Variants in KCNN3 observed in about 807,000 individuals in gnomAD.
The protein encoded by KCNN3 is potassium calcium-activated channel subfamily N member 3, also known as small conductance calcium-activated potassium channel protein 3.
Under a neutral mutation model 62.9 loss-of-function variants are expected in KCNN3, and 16 were observed. The observed-to-expected ratio is 0.25, with a 90% CI of 0.17 to 0.39. The LOEUF (loss-of-function observed/expected upper bound fraction) is 0.39, where lower values mean the gene tolerates loss of function less well. KCNN3 is among the 10% of genes least tolerant of loss of function. The pLI, the probability that KCNN3 is intolerant of heterozygous loss-of-function variation, is 1.00. For synonymous variants in KCNN3, 370 were observed against 389.2 expected, an observed-to-expected ratio of 0.95 and a Z score of 0.58; for missense variants, 599 against 949.4, an observed-to-expected ratio of 0.63 and a Z score of 4.85.
At chr1:154,773,361 T>C (rs1358674604) in intron 2 of KCNN3, among the ~76,000 whole-genome samples, 1 of 152,198 alleles carries the variant, frequency 6.6e-6, no homozygotes, top group Non-Finnish European at 1.5e-5. Flanking sequence ...TAAGGTCCTT[T>C]ATAATAAACC....
Position 154,869,168 on chromosome 1 carries a change from A to G in KCNN3, c.797T>C (p.Ile266Thr). Residue 266 changes from isoleucine (I) to threonine (T), a missense_variant, in exon 1 of 8, where the codon ATT (isoleucine) becomes ACT (threonine). Physicochemically the swap from Ile to Thr is moderately conservative, Grantham distance 89. Transcript: ENST00000271915. The surrounding 1 kb of genome is among the most constrained non-coding windows in gnomAD (Gnocchi z 6.1). ...PKANKRKNQN[I>T]GYKLGHRRAL... is the part of the protein sequence containing the mutation. ...CCTCCTGTGTCCCAGCTTATAGCCAATGTTTTGGTTTTTCCGCTTGTTGGC... is the reference window on the plus strand; with the variant it reads ...CCTCCTGTGTCCCAGCTTATAGCCAGTGTTTTGGTTTTTCCGCTTGTTGGC... The G allele has an allele frequency of 1.2e-6, 2 of 1,613,928 alleles. No individual in the cohort carries two copies. The highest frequency in any genetic ancestry group is 2.2e-5 in the East Asian group (1 of 44,866).
At chr1:154,791,892 G>C (rs1040466596) in intron 2 of KCNN3, among the ~76,000 whole-genome samples, 2 of 152,330 alleles carry the variant, frequency 1.3e-5, no homozygotes, top group African/African-American at 2.4e-5. Context: ...CATTGTGCCA[G>C]GCCCTCAGAA....
At chr1:154,721,586 C>G (rs982029696) in intron 5 of KCNN3, among the ~76,000 whole-genome samples, 2 of 152,102 alleles carry the variant, frequency 1.3e-5, no homozygotes, top group Non-Finnish European at 2.9e-5. Flanking sequence ...CAGGCGTGAG[C>G]CACCGCACCC....
At chr1:154,747,212 C>A (rs1030888994) in intron 3 of KCNN3, among the ~76,000 whole-genome samples, 3 of 152,196 alleles carry the variant, frequency 2.0e-5, no homozygotes, top group Admixed American at 2.0e-4. Context: ...CTCTTCATCC[C>A]AGCCACCACT....
At chr1:154,789,092 C>G (rs1402961498) in intron 2 of KCNN3, among the ~76,000 whole-genome samples, 1 of 152,152 alleles carries the variant, frequency 6.6e-6, no homozygotes, top group Non-Finnish European at 1.5e-5. Context: ...GGAGGTTGTC[C>G]GCAGGGCTGG....
At chr1:154,775,415 T>A (rs1648746171) in intron 2 of KCNN3, among the ~76,000 whole-genome samples, 1 of 152,196 alleles carries the variant, frequency 6.6e-6, no homozygotes, top group South Asian at 2.1e-4. Context: ...GAGCCTCAGT[T>A]TCTCTTTCTC....
intron 2 of KCNN3, among the ~76,000 whole-genome samples, chr1:154,806,420 T>C (rs1650174924): frequency 2.6e-5 from 4 of 152,248 alleles, no homozygotes; most frequent in Admixed American, 2.6e-4. Flanking sequence ...TCTCAGCTGA[T>C]GCTCACAACA....
chr1:154,785,456 C>A (rs1483346860), intron 2 of KCNN3, among the ~76,000 whole-genome samples: 1 of 152,144 alleles, frequency 6.6e-6, no homozygotes, highest in Non-Finnish European at 1.5e-5. Context: ...GCTGCACTGT[C>A]ACCCCTTCAG....
chr1:154,840,420 C>T (rs1229124615), intron 1 of KCNN3, among the ~76,000 whole-genome samples: 1 of 152,162 alleles, frequency 6.6e-6, no homozygotes, highest in African/African-American at 2.4e-5. Flanking sequence ...AAGCAGGGAG[C>T]TGGGAAAGAA....
intron 3 of KCNN3, among the ~76,000 whole-genome samples, chr1:154,737,904 G>A (rs891397626): frequency 1.3e-5 from 2 of 152,170 alleles, no homozygotes; most frequent in African/African-American, 4.8e-5. Context: ...CCTGGGGACA[G>A]AGCAAGACCC....
chr1:154,799,166 C>T (rs1045089077), intron 2 of KCNN3, among the ~76,000 whole-genome samples: 4 of 152,210 alleles, frequency 2.6e-5, no homozygotes, highest in African/African-American at 9.6e-5. Context: ...ATCTGCCTGC[C>T]TCAGTCTCCC....
chr1:154,864,442 AACTGGTTCCAGTGAT>A (rs775888792), intron 1 of KCNN3, among the ~76,000 whole-genome samples: 4 of 152,372 alleles, frequency 2.6e-5, no homozygotes, highest in Middle Eastern at 3.4e-3. Flanking sequence ...AGAGGATCAG[AACTGGTTCCAGTGAT>A]ACTACTCAAT....
intron 2 of KCNN3, among the ~76,000 whole-genome samples, chr1:154,779,942 T>C (rs528038569): frequency 6.6e-5 from 10 of 152,226 alleles, no homozygotes; most frequent in Non-Finnish European, 1.5e-4. Context: ...TTAGAGTGTC[T>C]CGCCAAGCAA....
At position 154,711,459 on chromosome 1, in the gene KCNN3, A is replaced by G. The variant is rs1277870508; in HGVS notation, c.1899+2005T>C. Reference sequence around the variant, plus strand: ...GTATACATATGTAACAAACCTGCACATTGTGCACATGTACCCTAAAACTTA... The same window carrying G: ...GTATACATATGTAACAAACCTGCACGTTGTGCACATGTACCCTAAAACTTA... On this transcript the variant is annotated intron_variant, in intron 7 of 7. Transcript: ENST00000271915. Among the ~76,000 whole-genome samples, 23 of 151,590 alleles carry G rather than the reference A, an allele frequency of 1.5e-4. 1 individual carries two copies. In the South Asian group the frequency reaches 4.0e-3, roughly 26 times the overall value.
chr1:154,837,163 A>G (rs1414435462), intron 1 of KCNN3, among the ~76,000 whole-genome samples: 1 of 151,928 alleles, frequency 6.6e-6, no homozygotes, highest in African/African-American at 2.4e-5. Flanking sequence ...CAGTGGCACA[A>G]TCTCAGCTCA....
Position 154,734,825 on chromosome 1 carries a change from A to T in KCNN3, c.1449-1681T>A, listed in dbSNP as rs116568592. Among the ~76,000 whole-genome samples the T allele has an allele frequency of 3.9e-3, 593 of 152,354 alleles. 9 individuals carry two copies. The highest frequency in any genetic ancestry group is 0.014 in the African/African-American group (564 of 41,576). On this transcript the variant is annotated intron_variant, in intron 3 of 7. Coordinates refer to ENST00000271915, the MANE Select transcript of KCNN3 (RefSeq NM_002249.6). ...ATTTCCCAGGTAAGCAGCAGGAGGC[A>T]CGGAGACACTGGGTGACTTGCCTAA...
chr1:154,856,747 C>T (rs930167897), intron 1 of KCNN3, among the ~76,000 whole-genome samples: 1 of 152,206 alleles, frequency 6.6e-6, no homozygotes, highest in Non-Finnish European at 1.5e-5. Flanking sequence ...ACTGAGACAG[C>T]TTCCCAAAGC....
rs1699881112 is a variant in KCNN3 at position 154,702,731 on chromosome 1, ATATATATATATATAT to A, written c.*5230_*5244del. The A allele has an allele frequency of 8.4e-6, 1 of 118,344 alleles. No individual in the cohort carries two copies. Among genetic ancestry groups the A allele is most frequent in the Non-Finnish European group, 1.7e-5 (1 of 58,900 alleles). 7.3% of individuals were successfully genotyped at this position (118,344 alleles called of 1,614,324 possible). On this transcript the variant is annotated 3_prime_UTR_variant, in exon 8 of 8. Transcript: ENST00000271915. ...TATATATATATATATATATATATAT[ATATATATATATATAT>A]ATGTACTTTTTCTTTTTGGCTATAA...
chr1:154,756,285 A>AAGG (rs537090649), intron 3 of KCNN3, among the ~76,000 whole-genome samples: 5 of 149,140 alleles, frequency 3.4e-5, no homozygotes, highest in African/African-American at 9.9e-5. Context: ...CGACGATGAA[A>AAGG]AGGAGGAGGA....
Sources: allele counts gnomAD v4.1 joint callset (sites outside exome capture counted in the v4.1 genomes callset), GRCh38; gene constraint gnomAD v4.1.1; non-coding constraint Gnocchi (gnomAD v3.1); transcripts MANE v1.5; gene names NCBI Gene and HGNC (gene_info 2026-07-23, HGNC 2026-07-21).